MAGI1: variants seen among roughly 807,000 people sequenced by gnomAD.
The protein encoded by MAGI1 is membrane-associated guanylate kinase, WW and PDZ domain-containing protein 1.
Under a neutral mutation model 139.9 loss-of-function variants are expected in MAGI1, and 58 were observed. The observed-to-expected ratio is 0.41, with a 90% CI of 0.34 to 0.52. MAGI1 has a LOEUF of 0.52. MAGI1 is among the 20% of genes least tolerant of loss of function. The pLI, the probability that MAGI1 is intolerant of heterozygous loss-of-function variation, is 0.12. For synonymous variants in MAGI1, 812 were observed against 737.9 expected (o/e 1.10, Z -1.63); for missense variants, 1,874 against 1,901.6 (o/e 0.99, Z 0.27).
chr3:65,666,980 A>G (rs973316915), intron 1 of MAGI1, among the ~76,000 whole-genome samples: 1 of 152,166 alleles, frequency 6.6e-6, no homozygotes, highest in Non-Finnish European at 1.5e-5. Flanking sequence ...CATACCTACA[A>G]TTATCCCACT....
chr3:65,904,834 T>C (rs917965419), intron 1 of MAGI1, among the ~76,000 whole-genome samples: 25 of 152,288 alleles, frequency 1.6e-4, no homozygotes, highest in African/African-American at 5.1e-4. Flanking sequence ...ACCTGCCACA[T>C]GGGGAGGGTG....
chr3:65,967,453 C>G (rs1266496202), intron 1 of MAGI1, among the ~76,000 whole-genome samples: 1 of 152,116 alleles, frequency 6.6e-6, no homozygotes, highest in Admixed American at 6.5e-5. Flanking sequence ...CCACCCCGAC[C>G]TGCCTCCCCT....
chr3:65,972,812 CTTATT>C (rs998658742), intron 1 of MAGI1, among the ~76,000 whole-genome samples: 3 of 152,176 alleles, frequency 2.0e-5, no homozygotes, highest in African/African-American at 7.2e-5. Flanking sequence ...TTGTTTTATT[CTTATT>C]TTATATATGG....
intron 1 of MAGI1, among the ~76,000 whole-genome samples, chr3:66,032,642 G>A (rs1047293613): frequency 2.0e-5 from 3 of 151,662 alleles, no homozygotes; most frequent in Non-Finnish European, 4.4e-5. Flanking sequence ...AACAGGGCCC[G>A]TTGCGGTGGC....
intron 22 of MAGI1, chr3:65,359,186 CAGAG>C: frequency 6.2e-7 from 1 of 1,609,012 alleles, no homozygotes; most frequent in Non-Finnish European, 8.5e-7. Context: ...CAAGAACAGT[CAGAG>C]AGAAGGAGAA....
chr3:65,846,324 G>A (rs1398233274), intron 1 of MAGI1, among the ~76,000 whole-genome samples: 1 of 152,214 alleles, frequency 6.6e-6, no homozygotes, highest in Non-Finnish European at 1.5e-5. Context: ...GGTCTCAAGT[G>A]AATAGCAGCT....
At chr3:65,543,000 C>T (rs908570346) in intron 2 of MAGI1, among the ~76,000 whole-genome samples, 3 of 151,928 alleles carry the variant, frequency 2.0e-5, no homozygotes, top group African/African-American at 7.3e-5. Context: ...GCAATCTATC[C>T]ATCTGCCAAA....
intron 18 of MAGI1, among the ~76,000 whole-genome samples, chr3:65,365,407 AAT>A (rs1379805251): frequency 6.6e-6 from 1 of 152,250 alleles, no homozygotes; most frequent in African/African-American, 2.4e-5. Context: ...ACTGAATATT[AAT>A]ATCAGAAGTG....
chr3:65,487,332 G>A (rs550233899), intron 3 of MAGI1, among the ~76,000 whole-genome samples: 2 of 152,286 alleles, frequency 1.3e-5, no homozygotes, highest in African/African-American at 4.8e-5. Context: ...CATAAAGACA[G>A]TGACCACAAC....
intron 2 of MAGI1, among the ~76,000 whole-genome samples, chr3:65,600,192 T>C (rs2082413897): frequency 6.6e-6 from 1 of 152,194 alleles, no homozygotes; most frequent in Non-Finnish European, 1.5e-5. Context: ...TAAATTGCTC[T>C]TTTGCAAGGA....
At chr3:65,867,895 C>G (rs1378043929) in intron 1 of MAGI1, among the ~76,000 whole-genome samples, 1 of 152,128 alleles carries the variant, frequency 6.6e-6, no homozygotes, top group Admixed American at 6.5e-5. Context: ...GTCCAGGAGT[C>G]TGAGGAGGCG....
chr3:65,478,054 C>T (rs1951009581), intron 4 of MAGI1, among the ~76,000 whole-genome samples: 1 of 152,010 alleles, frequency 6.6e-6, no homozygotes, highest in South Asian at 2.1e-4. Context: ...TTCCATCTTT[C>T]TCCCTTTTAA....
At chr3:65,691,065 G>A (rs568458255) in intron 1 of MAGI1, among the ~76,000 whole-genome samples, 9 of 152,102 alleles carry the variant, frequency 5.9e-5, no homozygotes, top group African/African-American at 1.4e-4. Flanking sequence ...CATTTTGGGA[G>A]GCCGGGGCAG....
intron 2 of MAGI1, among the ~76,000 whole-genome samples, chr3:65,566,875 G>T (rs575898879): frequency 1.3e-5 from 2 of 151,340 alleles, no homozygotes; most frequent in African/African-American, 4.9e-5. Context: ...GGGATTATAG[G>T]CATGAGCCAC....
chr3:65,552,460 T>G (rs2079885007), intron 2 of MAGI1, among the ~76,000 whole-genome samples: 1 of 152,214 alleles, frequency 6.6e-6, no homozygotes, highest in Non-Finnish European at 1.5e-5. Context: ...TGGCTTATCC[T>G]TTGAAGCAGC....
At position 65,652,555 on chromosome 3, in the gene MAGI1, A is replaced by T. The variant is rs555371332; in HGVS notation, c.314-30467T>A. ...TTGTCAAATGTCTCCTGGAAAATAAAATCACCCTCAGTTGAGAGCTACTGC... is the reference window on the plus strand; with the variant it reads ...TTGTCAAATGTCTCCTGGAAAATAATATCACCCTCAGTTGAGAGCTACTGC... On this transcript the variant is annotated intron_variant, in intron 1 of 22. Coordinates refer to ENST00000402939, the MANE Select transcript of MAGI1 (RefSeq NM_001033057.2). Among the ~76,000 whole-genome samples, 4 of 152,278 alleles carry T rather than the reference A, an allele frequency of 2.6e-5. No individual in the cohort carries two copies. The East Asian group carries it at 7.7e-4, about 29-fold the overall frequency.
chr3:65,529,603 T>C (rs2078544367), intron 2 of MAGI1, among the ~76,000 whole-genome samples: 1 of 152,258 alleles, frequency 6.6e-6, no homozygotes, highest in South Asian at 2.1e-4. Flanking sequence ...GTTTATCTAT[T>C]CATCAGTTGA....
chr3:65,839,238 T>G (rs1294938039), intron 1 of MAGI1, among the ~76,000 whole-genome samples: 1 of 152,204 alleles, frequency 6.6e-6, no homozygotes, highest in Non-Finnish European at 1.5e-5. Context: ...GCTATTCATG[T>G]GTTTGTGGTG....
chr3:65,404,422 T>G (rs114194372), intron 12 of MAGI1, among the ~76,000 whole-genome samples: 1 of 152,276 alleles, frequency 6.6e-6, no homozygotes, highest in African/African-American at 2.4e-5. Context: ...AACCTTTGTT[T>G]AAAGAGGCAT....
Sources: gnomAD v4.1 joint callset for allele counts (sites outside exome capture counted in the v4.1 genomes callset) on GRCh38, gnomAD v4.1.1 for gene constraint, MANE v1.5 for transcripts, NCBI Gene and HGNC (gene_info 2026-07-23, HGNC 2026-07-21) for gene names.